The following NAA25 variants were observed in gnomAD, a reference collection of about 807,000 sequenced individuals.
The protein encoded by NAA25 is N-terminal acetyltransferase B complex subunit NAA25.
Under a neutral mutation model 132.5 loss-of-function variants are expected in NAA25, and 30 were observed. That is an observed-to-expected ratio of 0.23 (90% CI 0.17 to 0.31). The LOEUF (loss-of-function observed/expected upper bound fraction) is 0.31. Ranked by LOEUF, NAA25 falls within the 10% of genes least tolerant of loss-of-function variation. NAA25 has a pLI of 1.00. For synonymous variants in NAA25, 359 were observed against 401.9 expected (o/e 0.89, Z 1.28); for missense variants, 771 against 1,150.4 (o/e 0.67, Z 4.77).
chr12:112,048,442 G>A lies in NAA25; in HGVS notation c.1730C>T (p.Thr577Ile), dbSNP rs769307554. ...GTAAGCTTGAATAATATATTCTGAG[G>A]TCTGAGAAGGAAAGACATCACCTTG... ...LRFFHSNQKDTSEYIIQAYKY... is the reference protein window; with the variant it reads ...LRFFHSNQKDISEYIIQAYKY... The change falls in exon 16 of 24, where the codon ACC becomes ATC. Residue 577 changes from threonine to isoleucine, a missense_variant and splice_region_variant. This residue lies in a region of NAA25 where 417 missense variants were observed against 733.8 expected (regional missense o/e 0.57). Coordinates refer to ENST00000261745, the MANE Select transcript of NAA25 (RefSeq NM_024953.4). The A allele has an allele frequency of 6.2e-7, 1 of 1,613,460 alleles. No homozygotes were observed. Among genetic ancestry groups the A allele is most frequent in the Non-Finnish European group, 8.5e-7 (1 of 1,179,580 alleles).
At chr12:112,056,324 T>G (rs2078545242) in intron 13 of NAA25, among the ~76,000 whole-genome samples, 1 of 151,312 alleles carries the variant, frequency 6.6e-6, no homozygotes, top group South Asian at 2.1e-4. Context: ...GGAGTTAAGA[T>G]TCCATCTCAA....
chr12:112,093,221 G>T, intron 1 of NAA25, 85 bp from the exon 2 acceptor site: 1 of 825,460 alleles, frequency 1.2e-6, no homozygotes, highest in Non-Finnish European at 2.0e-6. Flanking sequence ...GAGATATTTT[G>T]GAAAATATCT....
chr12:112,058,918 C>T (rs2078584396), intron 13 of NAA25, among the ~76,000 whole-genome samples: 1 of 151,556 alleles, frequency 6.6e-6, no homozygotes, highest in Non-Finnish European at 1.5e-5. Context: ...ATTAGCCAGG[C>T]ATGGTGGCGG....
intron 11 of NAA25, chr12:112,065,850 T>C (rs1347396361): frequency 6.6e-6 from 1 of 152,138 alleles, no homozygotes; most frequent in East Asian, 1.9e-4. Context: ...TTAGGACAAT[T>C]CTCAGATTGA....
intron 9 of NAA25, among the ~76,000 whole-genome samples, 193 bp downstream of exon 9, chr12:112,074,482 A>G (rs1201349750): frequency 1.3e-5 from 2 of 152,148 alleles, no homozygotes; most frequent in African/African-American, 2.4e-5. Context: ...AGCACACCAC[A>G]TATTTTGGCA....
At chr12:112,060,907 A>T (rs1430739737) in intron 12 of NAA25, among the ~76,000 whole-genome samples, 1 of 152,232 alleles carries the variant, frequency 6.6e-6, no homozygotes, top group Non-Finnish European at 1.5e-5. Flanking sequence ...AAATGTGATA[A>T]TTATCATAAA....
rs762601869 is a variant in NAA25, at chr12:112,054,548, G to GC, written c.1467dup (p.Gln490AlafsTer13). ...CCCTCTTCCAGCAAAGTCAGGGCCT[G>GC]CCACACAGTGGTCTCATCACCTAGA... is the stretch of plus-strand genomic sequence containing the variant. On this transcript the variant is annotated frameshift_variant, in exon 14 of 24. Transcript: ENST00000261745. LOFTEE classifies it high-confidence loss of function. 1 of 1,613,754 alleles carries GC rather than the reference G, an allele frequency of 6.2e-7. No individual in the cohort carries two copies. Among genetic ancestry groups the GC allele is most frequent in the South Asian group, 1.1e-5 (1 of 91,048 alleles).
At chr12:112,079,859 C>G (rs961056284) in intron 5 of NAA25, among the ~76,000 whole-genome samples, 1 of 152,174 alleles carries the variant, frequency 6.6e-6, no homozygotes, top group Non-Finnish European at 1.5e-5. Context: ...GTCTTAAAAG[C>G]AAACCTCAAG....
intron 12 of NAA25, among the ~76,000 whole-genome samples, 183 bp downstream of exon 12, chr12:112,060,998 C>T (rs1443261917): frequency 6.6e-6 from 1 of 152,174 alleles, no homozygotes; most frequent in Admixed American, 6.5e-5. Context: ...GAAAGCCAAT[C>T]AGAATTATTT....
Position 112,093,085 on chromosome 12 carries a change from A to C in NAA25, c.110T>G (p.Leu37Arg). ...NKMAIQQADKLLKKHKDLHCA... is the reference protein window; with the variant it reads ...NKMAIQQADKRLKKHKDLHCA... ...ATGAAGATCCTTATGTTTCTTCAACAGTTTATCTGCTTGCTGAATTGCCAT... is the reference window on the plus strand; with the variant it reads ...ATGAAGATCCTTATGTTTCTTCAACCGTTTATCTGCTTGCTGAATTGCCAT... Residue 37 changes from leucine to arginine, a missense_variant, in exon 2 of 24, where the codon CTG (leucine) becomes CGG (arginine). Leu to Arg is a moderately radical substitution (Grantham distance 102). Transcript: ENST00000261745. 2 of 1,613,114 alleles carry C rather than the reference A, an allele frequency of 1.2e-6. No homozygotes were observed. Among genetic ancestry groups the C allele is most frequent in the Non-Finnish European group, 1.7e-6 (2 of 1,179,364 alleles).
intron 4 of NAA25, 144 bp downstream of exon 4, chr12:112,087,539 A>G (rs1039053385): frequency 1.6e-6 from 1 of 625,134 alleles, no homozygotes; most frequent in African/African-American, 1.8e-5. Context: ...ACACATAAGG[A>G]AAACAACTGA....
chr12:112,037,297 T>C (rs1367179861), intron 22 of NAA25, among the ~76,000 whole-genome samples: 1 of 119,206 alleles, frequency 8.4e-6, no homozygotes, highest in African/African-American at 3.1e-5. Flanking sequence ...TATATATATA[T>C]ATATATATAT....
In NAA25 at chr12:112,050,675, C is replaced by T. The variant is rs925466758; in HGVS notation, c.1729-2232G>A. Among the ~76,000 whole-genome samples the T allele has an allele frequency of 4.6e-5, 7 of 151,984 alleles. No individual in the cohort carries two copies. The East Asian group carries it at 9.7e-4, about 21-fold the overall frequency. On this transcript the variant is annotated intron_variant, in intron 15 of 23. Coordinates refer to ENST00000261745, the MANE Select transcript of NAA25 (RefSeq NM_024953.4). ...CTGGAATTACAGGCGCTCGCCAACA[C>T]ACCCAGATAATTTTTGTATAAAATA...
intron 1 of NAA25, among the ~76,000 whole-genome samples, chr12:112,099,287 C>CT (rs375795490): frequency 0.32 from 46,447 of 147,184 alleles, 10,297 homozygotes; most frequent in East Asian, 0.84. Context: ...CGCACTCGGC[C>CT]TTTTTTTTTT....
chr12:112,090,445 T>C (rs1193107744), intron 3 of NAA25: 1 of 285,054 alleles, frequency 3.5e-6, no homozygotes, highest in African/African-American at 2.2e-5. Flanking sequence ...TTTTGTCTGC[T>C]TGAAATTTTC....
At position 112,026,833 on chromosome 12, in the gene NAA25, T is replaced by C. The variant is rs1189201579; in HGVS notation, c.*2698A>G. The C allele has an allele frequency of 1.3e-5, 2 of 152,292 alleles. No homozygotes were observed. Among genetic ancestry groups the C allele is most frequent in the Non-Finnish European group, 2.9e-5 (2 of 68,034 alleles). 9.4% of individuals were successfully genotyped at this position (152,292 alleles called of 1,614,324 possible). A position where few individuals can be genotyped will look rare whatever the true frequency, so the allele number is the denominator to read the frequency against. On this transcript the variant is annotated 3_prime_UTR_variant, in exon 24 of 24. Transcript: ENST00000261745. ...AAGTAGGAAGTTTCAATAACAAGCC[T>C]GTAGATACATTGAAACCCCTTTTTA...
chr12:112,064,133 A>C (rs181759863), intron 11 of NAA25: 1 of 152,324 alleles, frequency 6.6e-6, no homozygotes, highest in East Asian at 1.9e-4. Context: ...AATTTGCTTC[A>C]ATTTACCTAT....
chr12:112,074,341 C>CAAAAA lies in NAA25; in HGVS notation c.866+329_866+333dup, dbSNP rs34077129. ...GGGTGACAAGAGCCAAACTCCATCT[C>CAAAAA]AAAAAAAAAAAAAAAAAAAAAAAGG... On this transcript the variant is annotated intron_variant, in intron 9 of 23. Transcript: ENST00000261745. Among the ~76,000 whole-genome samples, 60 of 34,798 alleles carry CAAAAA rather than the reference C, an allele frequency of 1.7e-3. No individual in the cohort carries two copies. In the East Asian group the frequency reaches 0.019, roughly 11 times the overall value. The allele number at this position is 34,798 out of a possible 152,430, so 22.8% of individuals were successfully genotyped here.
chr12:112,052,934 C>T (rs1321379051), intron 15 of NAA25, among the ~76,000 whole-genome samples: 3 of 152,204 alleles, frequency 2.0e-5, no homozygotes, highest in East Asian at 1.9e-4. Context: ...TGAGTACAGA[C>T]CGTATGGTTT....
Sources: gnomAD v4.1 joint callset for allele counts (sites outside exome capture counted in the v4.1 genomes callset) on GRCh38, gnomAD v4.1.1 for gene constraint, gnomAD v4.1.1 regional missense constraint, MANE v1.5 for transcripts, NCBI Gene and HGNC (gene_info 2026-07-23, HGNC 2026-07-21) for gene names.